The following DGKB variants were observed in gnomAD, a reference collection of about 807,000 sequenced individuals.
DGKB encodes 90 kDa diacylglycerol kinase.
DGKB carries 67 observed loss-of-function variants against 114.3 expected under a neutral mutation model. That is an observed-to-expected ratio of 0.59 (90% CI 0.48 to 0.72). The LOEUF (loss-of-function observed/expected upper bound fraction) is 0.72. Ranked by LOEUF, DGKB falls within the 30% of genes least tolerant of loss-of-function variation. The pLI is 0.00. For synonymous variants in DGKB, 398 were observed against 323.1 expected (o/e 1.23, Z -2.49); for missense variants, 907 against 975.2 (o/e 0.93, Z 0.93).
At chr7:14,586,874 C>A (rs954151700) in intron 17 of DGKB, among the ~76,000 whole-genome samples, 9 of 151,922 alleles carry the variant, frequency 5.9e-5, no homozygotes, top group Admixed American at 3.9e-4. Flanking sequence ...AAAAAGATTC[C>A]TTTCAAAATA....
intron 17 of DGKB, among the ~76,000 whole-genome samples, chr7:14,583,971 T>C (rs1455116012): frequency 6.6e-6 from 1 of 152,212 alleles, no homozygotes; most frequent in South Asian, 2.1e-4. Flanking sequence ...TGATATAATA[T>C]GCAACTATCC....
intron 19 of DGKB, among the ~76,000 whole-genome samples, chr7:14,575,676 A>T (rs1799017427): frequency 6.6e-6 from 1 of 152,216 alleles, no homozygotes; most frequent in Admixed American, 6.5e-5. Flanking sequence ...ATATTGTACT[A>T]AGTTAAATCA....
At chr7:14,543,398 T>G (rs1395246276) in intron 20 of DGKB, among the ~76,000 whole-genome samples, 1 of 151,754 alleles carries the variant, frequency 6.6e-6, no homozygotes, top group Non-Finnish European at 1.5e-5. Flanking sequence ...TAAGCCATAA[T>G]TGCACCACTG....
intron 2 of DGKB, among the ~76,000 whole-genome samples, chr7:14,825,977 A>T (rs1185437370): frequency 6.6e-6 from 1 of 152,152 alleles, no homozygotes; most frequent in Non-Finnish European, 1.5e-5. Context: ...TTAACTCTCC[A>T]AAGTTCCCTT....
At chr7:14,335,551 TTTTCA>T (rs1212034113) in intron 23 of DGKB, among the ~76,000 whole-genome samples, 2 of 152,180 alleles carry the variant, frequency 1.3e-5, no homozygotes, top group South Asian at 2.1e-4. Context: ...TACGTTAAGT[TTTTCA>T]TTTCATTTCA....
chr7:14,600,504 G>A (rs148835441), intron 17 of DGKB, among the ~76,000 whole-genome samples: 6 of 152,042 alleles, frequency 3.9e-5, no homozygotes, highest in Non-Finnish European at 5.9e-5. Context: ...TCCTCTAACC[G>A]TCATCTAAAT....
chr7:14,252,444 T>A (rs951119649), intron 23 of DGKB, among the ~76,000 whole-genome samples: 2 of 152,180 alleles, frequency 1.3e-5, no homozygotes, highest in Admixed American at 1.3e-4. Flanking sequence ...GCTCTTTCAG[T>A]CCTCATAGAC....
intron 21 of DGKB, among the ~76,000 whole-genome samples, chr7:14,444,433 A>C (rs556476025): frequency 6.6e-6 from 1 of 151,914 alleles, no homozygotes; most frequent in South Asian, 2.1e-4. Flanking sequence ...GAAACATTAT[A>C]TAATAGTTGA....
intron 2 of DGKB, among the ~76,000 whole-genome samples, chr7:14,796,208 G>C (rs908803858): frequency 6.6e-6 from 1 of 152,082 alleles, no homozygotes; most frequent in Non-Finnish European, 1.5e-5. Flanking sequence ...AGACAATTTT[G>C]ACAACAAGGC....
At chr7:14,911,641 C>A (rs555618012) in intron 1 of DGKB, among the ~76,000 whole-genome samples, 43 of 152,208 alleles carry the variant, frequency 2.8e-4, no homozygotes, top group African/African-American at 1.0e-3. Context: ...AAAAAACAGA[C>A]TGGCTTTTTC....
At chr7:14,768,090 C>A (rs1024123368) in intron 2 of DGKB, among the ~76,000 whole-genome samples, 1 of 151,982 alleles carries the variant, frequency 6.6e-6, no homozygotes. Flanking sequence ...TGAGCATATA[C>A]ATTTTAAGGA....
chr7:14,609,028 C>T (rs1283002761), intron 16 of DGKB, among the ~76,000 whole-genome samples: 6 of 152,018 alleles, frequency 3.9e-5, no homozygotes, highest in Non-Finnish European at 8.8e-5. Context: ...TATGAAACTA[C>T]CAATGTCGTT....
intron 23 of DGKB, among the ~76,000 whole-genome samples, chr7:14,184,423 G>A (rs1584313503): frequency 6.6e-6 from 1 of 152,226 alleles, no homozygotes; most frequent in African/African-American, 2.4e-5. Context: ...AAACTAACTC[G>A]GGTCTGTTCG....
chr7:14,784,652 C>T lies in DGKB; in HGVS notation c.71-26921G>A, dbSNP rs139419516. Among the ~76,000 whole-genome samples the T allele has an allele frequency of 9.3e-3, 1,416 of 152,294 alleles. 16 individuals are homozygous for T. The highest frequency in any genetic ancestry group is 0.027 in the Middle Eastern group (8 of 294). On this transcript the variant is annotated intron_variant, in intron 2 of 25. Coordinates refer to ENST00000402815, the MANE Select transcript of DGKB (RefSeq NM_001350709.2). The stretch of plus-strand genomic sequence containing the variant: ...TCAGCCTCCCAAAGTGCTGAGATTA[C>T]AGGTGTGAGCTGCCGCACCCAGTTT...
chr7:14,928,550 T>C (rs895624824), intron 1 of DGKB, among the ~76,000 whole-genome samples: 4 of 152,034 alleles, frequency 2.6e-5, no homozygotes, highest in African/African-American at 9.6e-5. Flanking sequence ...TACTGTTATC[T>C]GCAATCTGTG....
intron 21 of DGKB, among the ~76,000 whole-genome samples, chr7:14,377,555 G>A (rs1329321319): frequency 6.6e-6 from 1 of 152,108 alleles, no homozygotes; most frequent in Non-Finnish European, 1.5e-5. Context: ...TCTAGGACAG[G>A]TATGAAAACA....
chr7:14,813,614 A>G (rs1392609070), intron 2 of DGKB, among the ~76,000 whole-genome samples: 1 of 152,190 alleles, frequency 6.6e-6, no homozygotes, highest in Non-Finnish European at 1.5e-5. Context: ...TTTTAACTCA[A>G]AATTAAACTG....
At chr7:14,339,152 G>C (rs1227061230) in intron 22 of DGKB, among the ~76,000 whole-genome samples, 1 of 151,560 alleles carries the variant, frequency 6.6e-6, no homozygotes. Flanking sequence ...GCAGATTGAT[G>C]CCTCATGGTC....
chr7:14,233,718 A>G (rs1340823987), intron 23 of DGKB, among the ~76,000 whole-genome samples: 1 of 152,060 alleles, frequency 6.6e-6, no homozygotes, highest in African/African-American at 2.4e-5. Context: ...GAGGGAAATT[A>G]TCTGCATCAT....
Sources: allele counts gnomAD v4.1 joint callset (sites outside exome capture counted in the v4.1 genomes callset), GRCh38; gene constraint gnomAD v4.1.1; transcripts MANE v1.5; gene names NCBI Gene and HGNC (gene_info 2026-07-23, HGNC 2026-07-21).